The following SYNPO2 variants were observed in gnomAD, a reference collection of about 807,000 sequenced individuals.
SYNPO2 encodes synaptopodin 2, also known as synaptopodin-2.
Under a neutral mutation model 85.0 loss-of-function variants are expected in SYNPO2, and 56 were observed. The observed-to-expected ratio is 0.66, with a 90% CI of 0.53 to 0.82. The LOEUF (loss-of-function observed/expected upper bound fraction) is 0.82. Ranked by LOEUF, SYNPO2 falls within the 40% of genes least tolerant of loss-of-function variation. The pLI is 0.00. For synonymous variants in SYNPO2, 602 were observed against 591.1 expected (o/e 1.02, Z -0.27); for missense variants, 1,575 against 1,534.2 (o/e 1.03, Z -0.44).
chr4:118,886,028 C>G (rs1457604491), upstream of SYNPO2, among the ~76,000 whole-genome samples: 1 of 152,032 alleles, frequency 6.6e-6, no homozygotes, highest in East Asian at 1.9e-4. Flanking sequence ...ATTTCAAGTT[C>G]CTGCACAGAA....
At chr4:118,973,281 A>G (rs1735602865) in intron 1 of SYNPO2, among the ~76,000 whole-genome samples, 1 of 152,296 alleles carries the variant, frequency 6.6e-6, no homozygotes, top group South Asian at 2.1e-4. Context: ...TACCTCAAAT[A>G]TAAGACTTTC....
intron 4 of SYNPO2, among the ~76,000 whole-genome samples, chr4:119,048,418 G>GA (rs1738936943): frequency 6.6e-6 from 1 of 152,164 alleles, no homozygotes; most frequent in South Asian, 2.1e-4. Flanking sequence ...CTGTTCTAGG[G>GA]AAGCCTTAAG....
intron 1 of SYNPO2, among the ~76,000 whole-genome samples, chr4:118,872,736 A>C (rs1056278226): frequency 1.3e-5 from 2 of 152,044 alleles, no homozygotes; most frequent in Non-Finnish European, 1.5e-5. Flanking sequence ...CCTTCATGAG[A>C]TCCAAGAACT....
At position 118,941,511 on chromosome 4, in the gene SYNPO2, C is replaced by A. The variant is rs552294967; in HGVS notation, c.105+52370C>A. ...AACACCCTAAATGAATCTGCCCTCCCAGTCTCCTACTGCAACTTGCCTATA... is the reference window on the plus strand; with the variant it reads ...AACACCCTAAATGAATCTGCCCTCCAAGTCTCCTACTGCAACTTGCCTATA... On this transcript the variant is annotated intron_variant, in intron 1 of 4. Coordinates refer to ENST00000307142, the MANE Select transcript of SYNPO2 (RefSeq NM_133477.3). Among the ~76,000 whole-genome samples the A allele has an allele frequency of 2.0e-5, 3 of 152,328 alleles. No individual in the cohort carries two copies. The South Asian group carries it at 6.2e-4, about 32-fold the overall frequency.
At chr4:118,952,986 C>A (rs750064404) in intron 1 of SYNPO2, among the ~76,000 whole-genome samples, 13 of 152,012 alleles carry the variant, frequency 8.6e-5, no homozygotes, top group Non-Finnish European at 1.6e-4. Context: ...AACCCTGAAT[C>A]CTGCAAATTC....
chr4:119,005,354 G>A (rs1174290224), intron 1 of SYNPO2, among the ~76,000 whole-genome samples: 1 of 152,028 alleles, frequency 6.6e-6, no homozygotes, highest in African/African-American at 2.4e-5. Context: ...GGTTTTTATG[G>A]TTTTAGGTCT....
intron 1 of SYNPO2, among the ~76,000 whole-genome samples, chr4:118,920,519 T>C (rs570540652): frequency 5.9e-4 from 90 of 152,246 alleles, no homozygotes; most frequent in Non-Finnish European, 1.1e-3. Flanking sequence ...CAGCACCAGA[T>C]ACTTGTTCTG....
intron 1 of SYNPO2, among the ~76,000 whole-genome samples, chr4:118,930,274 T>C (rs1733879040): frequency 1.3e-5 from 2 of 152,332 alleles, no homozygotes; most frequent in Non-Finnish European, 2.9e-5. Context: ...TTGTAAAAGA[T>C]CACACAGTTA....
chr4:118,873,016 T>C (rs1309544382), intron 1 of SYNPO2, among the ~76,000 whole-genome samples: 1 of 152,182 alleles, frequency 6.6e-6, no homozygotes, highest in Non-Finnish European at 1.5e-5. Flanking sequence ...TGTTTTTTTA[T>C]GGCTCAATAG....
rs116714370 is a variant in SYNPO2, at chr4:119,036,632, C to T, written c.3252+4605C>T. On this transcript the variant is annotated intron_variant, in intron 4 of 4. Coordinates refer to ENST00000307142, the MANE Select transcript of SYNPO2 (RefSeq NM_133477.3). ...TCTAGAAAAAATAGTACAAAAATGA[C>T]AGGTCATCCTATGAGCGTCATGCCA... is the stretch of plus-strand genomic sequence containing the variant. 1,328 of 985,440 alleles carry T rather than the reference C, an allele frequency of 1.3e-3. 14 individuals are homozygous for T. The African/African-American group carries it at 0.022, about 16-fold the overall frequency. The allele number at this position is 985,440 out of a possible 1,614,324, so 61.0% of individuals were successfully genotyped here.
intron 4 of SYNPO2, chr4:119,035,258 A>G (rs963351680): frequency 1.1e-5 from 11 of 985,310 alleles, no homozygotes; most frequent in Non-Finnish European, 3.6e-6. Flanking sequence ...ATGTTGTGCT[A>G]TAATGAATCT....
intron 4 of SYNPO2, chr4:119,038,180 A>G: frequency 1.0e-6 from 1 of 985,352 alleles, no homozygotes. Flanking sequence ...ACTCCCTGAG[A>G]CTGCTTAATT....
At chr4:118,852,518 A>G (rs1731438038) in intron 1 of SYNPO2, among the ~76,000 whole-genome samples, 1 of 152,214 alleles carries the variant, frequency 6.6e-6, no homozygotes, top group African/African-American at 2.4e-5. Context: ...GTACATATAC[A>G]CCATGGAATA....
intron 1 of SYNPO2, among the ~76,000 whole-genome samples, chr4:118,875,285 G>A (rs1378976391): frequency 2.0e-5 from 3 of 152,070 alleles, no homozygotes; most frequent in African/African-American, 7.2e-5. Flanking sequence ...TGGAATAACA[G>A]TATTTTTATT....
At chr4:118,869,864 G>T (rs1464848106) in intron 1 of SYNPO2, among the ~76,000 whole-genome samples, 1 of 152,176 alleles carries the variant, frequency 6.6e-6, no homozygotes, top group East Asian at 1.9e-4. Flanking sequence ...CTATTCAAAG[G>T]TATGATGATG....
intron 1 of SYNPO2, among the ~76,000 whole-genome samples, chr4:118,900,699 CTCTCTATATA>C (rs1391739392): frequency 6.6e-3 from 192 of 29,282 alleles, no homozygotes; most frequent in Middle Eastern, 0.062. Context: ...CTCTCTCTCT[CTCTCTATATA>C]TATATATATA....
chr4:119,008,760 A>T (rs1553946089), intron 1 of SYNPO2, among the ~76,000 whole-genome samples: 4 of 150,090 alleles, frequency 2.7e-5, no homozygotes, highest in African/African-American at 4.9e-5. Context: ...GTTAAGTAAA[A>T]TTTTTTTTTT....
At chr4:119,012,277 T>A (rs759879738) in intron 1 of SYNPO2, among the ~76,000 whole-genome samples, 12 of 152,014 alleles carry the variant, frequency 7.9e-5, no homozygotes, top group Non-Finnish European at 1.6e-4. Context: ...GCCTCTCCAT[T>A]CCTCCTGCCG....
chr4:119,012,952 T>C (rs1269188809), intron 1 of SYNPO2, among the ~76,000 whole-genome samples: 2 of 152,184 alleles, frequency 1.3e-5, no homozygotes, highest in African/African-American at 4.8e-5. Flanking sequence ...AACTTCCTCC[T>C]GTCCAACTCA....
Sources: gnomAD v4.1 joint callset for allele counts (sites outside exome capture counted in the v4.1 genomes callset) on GRCh38, gnomAD v4.1.1 for gene constraint, MANE v1.5 for transcripts, NCBI Gene and HGNC (gene_info 2026-07-23, HGNC 2026-07-21) for gene names.